Variants in CSMD1 observed in about 807,000 individuals in gnomAD.
CSMD1 encodes CUB and Sushi multiple domains 1.
Under a neutral mutation model 417.5 loss-of-function variants are expected in CSMD1, and 213 were observed. That is an observed-to-expected ratio of 0.51 (90% CI 0.46 to 0.57). The LOEUF is 0.57. Among genes scored for constraint, CSMD1 ranks in the 20% least tolerant of loss-of-function variants. The pLI is 0.00. For missense variants in CSMD1, 6,923 were observed against 4,529.7 expected, an observed-to-expected ratio of 1.53 and a Z score of -15.17; for synonymous variants, 2,862 against 1,736.8, an observed-to-expected ratio of 1.65 and a Z score of -16.11.
intron 1 of CSMD1, among the ~76,000 whole-genome samples, chr8:4,944,903 G>C (rs1295218417): frequency 6.6e-6 from 1 of 152,054 alleles, no homozygotes; most frequent in Non-Finnish European, 1.5e-5. Flanking sequence ...CACTTCTGAG[G>C]ATATACTCAA....
chr8:3,646,835 G>C (rs950666299), intron 7 of CSMD1, among the ~76,000 whole-genome samples: 1 of 151,932 alleles, frequency 6.6e-6, no homozygotes, highest in African/African-American at 2.4e-5. Flanking sequence ...CCTCCCACCC[G>C]CTGGCTGCTT....
rs34337712 is a variant in CSMD1, at chr8:2,951,208, T to A, written c.10107A>T (p.Gln3369His). Residue 3369 changes from glutamine (Q) to histidine (H), a missense_variant, in exon 66 of 70, where the codon CAA becomes CAT. Transcript: ENST00000635120. ...KGYYEYLGKR[Q>H]PATLTVDWFN... The stretch of plus-strand genomic sequence containing the variant: ...ACCAGTCAACAGTTAGAGTGGCGGG[T>A]TGTCTTTTCCCTAAATATTCATAAT... 0.069 allele frequency: 111,109 copies of A among 1,606,496 alleles called. 4,577 individuals are homozygous for A. The highest frequency in any genetic ancestry group is 0.081 in the Non-Finnish European group (95,238 of 1,176,714).
intron 2 of CSMD1, among the ~76,000 whole-genome samples, chr8:4,556,461 T>C (rs1269630914): frequency 6.6e-6 from 1 of 152,194 alleles, no homozygotes; most frequent in African/African-American, 2.4e-5. Flanking sequence ...TGTGCTCATA[T>C]TGCTTGCTAC....
chr8:4,370,322 T>A (rs180978513), intron 3 of CSMD1, among the ~76,000 whole-genome samples: 51 of 138,696 alleles, frequency 3.7e-4, no homozygotes, highest in African/African-American at 1.2e-3. Flanking sequence ...GTTAGCCTGA[T>A]GGGGGTCCCT....
At chr8:3,083,068 C>T (rs1435485033) in intron 49 of CSMD1, among the ~76,000 whole-genome samples, 1 of 152,066 alleles carries the variant, frequency 6.6e-6, no homozygotes, top group African/African-American at 2.4e-5. Flanking sequence ...CTCACCTAGT[C>T]TTCTGTTTCA....
At chr8:3,565,159 A>AAG (rs1554471703) in intron 10 of CSMD1, among the ~76,000 whole-genome samples, 55 of 138,086 alleles carry the variant, frequency 4.0e-4, no homozygotes, top group African/African-American at 1.4e-3. Context: ...AAAAAAAAAA[A>AAG]AGAGAGAGAT....
At chr8:3,959,787 G>A (rs1376115721) in intron 5 of CSMD1, among the ~76,000 whole-genome samples, 8 of 152,138 alleles carry the variant, frequency 5.3e-5, no homozygotes, top group African/African-American at 1.4e-4. Context: ...TGGAATAGCT[G>A]CAGGTACTCT....
intron 2 of CSMD1, among the ~76,000 whole-genome samples, chr8:4,494,097 G>A (rs1386693265): frequency 1.3e-5 from 2 of 152,272 alleles, no homozygotes; most frequent in East Asian, 3.9e-4. Context: ...GCTTCCAAAG[G>A]GAGGTGTAGA....
At chr8:4,734,149 T>C (rs559116027) in intron 1 of CSMD1, among the ~76,000 whole-genome samples, 378 of 152,288 alleles carry the variant, frequency 2.5e-3, no homozygotes, top group Non-Finnish European at 4.0e-3. Context: ...ACAAGCTCTA[T>C]TGAAATATAA....
At chr8:3,662,158 T>C (rs1242435973) in intron 7 of CSMD1, among the ~76,000 whole-genome samples, 8 of 152,170 alleles carry the variant, frequency 5.3e-5, no homozygotes, top group Admixed American at 6.5e-5. Flanking sequence ...GCTATAGAGA[T>C]AGCTCACCAA....
intron 10 of CSMD1, among the ~76,000 whole-genome samples, chr8:3,498,945 G>A (rs575512337): frequency 6.6e-4 from 100 of 152,116 alleles, no homozygotes; most frequent in South Asian, 1.5e-3. Context: ...TTCTCACGGC[G>A]TATCTTTAAC....
intron 23 of CSMD1, among the ~76,000 whole-genome samples, chr8:3,311,935 T>C (rs1805383759): frequency 6.6e-6 from 1 of 152,226 alleles, no homozygotes; most frequent in Non-Finnish European, 1.5e-5. Context: ...TATGCCTCTA[T>C]GTTCAGAAAT....
chr8:4,261,817 A>G (rs772280840), intron 3 of CSMD1, among the ~76,000 whole-genome samples: 2 of 152,184 alleles, frequency 1.3e-5, no homozygotes, highest in Non-Finnish European at 2.9e-5. Flanking sequence ...AATATATCAC[A>G]TTATATACCT....
rs1798991979 is a variant in CSMD1 at position 4,573,592 on chromosome 8, A to G, written c.302+63750T>C. 2.6e-5 allele frequency among the ~76,000 whole-genome samples: 4 copies of G among 152,050 alleles called. No individual in the cohort carries two copies. In the South Asian group the frequency reaches 8.3e-4, roughly 32 times the overall value. ...GGGAGGTGTCTCCCAGTCAGGAGGT[A>G]TGGGGGTCAGGGTCCCACTTGAGGG... On this transcript the variant is annotated intron_variant, in intron 2 of 69. Coordinates refer to ENST00000635120, the MANE Select transcript of CSMD1 (RefSeq NM_033225.6).
At chr8:3,692,049 G>T (rs557392512) in intron 7 of CSMD1, among the ~76,000 whole-genome samples, 1 of 152,144 alleles carries the variant, frequency 6.6e-6, no homozygotes, top group Non-Finnish European at 1.5e-5. Context: ...TCAGCGATCT[G>T]CCTGCTCCGG....
chr8:3,533,090 C>T (rs577108245), intron 10 of CSMD1, among the ~76,000 whole-genome samples: 1 of 152,136 alleles, frequency 6.6e-6, no homozygotes, highest in Non-Finnish European at 1.5e-5. Context: ...ATGTACCTTT[C>T]CATCACCATC....
chr8:4,511,893 G>C (rs572272552), intron 2 of CSMD1, among the ~76,000 whole-genome samples: 2 of 152,226 alleles, frequency 1.3e-5, no homozygotes, highest in East Asian at 3.9e-4. Flanking sequence ...AGCTTGGGGA[G>C]GGGAAAAGGA....
intron 41 of CSMD1, among the ~76,000 whole-genome samples, chr8:3,126,749 G>C (rs17079484): frequency 0.047 from 7,216 of 152,190 alleles, 454 homozygotes; most frequent in East Asian, 0.34. Flanking sequence ...CCTAGTCCCA[G>C]CACCTGCTTA....
At chr8:4,437,783 C>T (rs555363783) in intron 2 of CSMD1, among the ~76,000 whole-genome samples, 4 of 152,236 alleles carry the variant, frequency 2.6e-5, no homozygotes, top group African/African-American at 9.6e-5. Context: ...TTTGAGTTGT[C>T]TCTATGGGAA....
Sources: allele counts gnomAD v4.1 joint callset (sites outside exome capture counted in the v4.1 genomes callset), GRCh38; gene constraint gnomAD v4.1.1; transcripts MANE v1.5; gene names NCBI Gene and HGNC (gene_info 2026-07-23, HGNC 2026-07-21).